The following POM121L2 variants were observed in gnomAD, a reference collection of about 807,000 sequenced individuals.
POM121L2 encodes POM121-like protein 2.
For synonymous variants in POM121L2, 459 were observed against 483.8 expected, an observed-to-expected ratio of 0.95 and a Z score of 0.67; for missense variants, 1,167 against 1,260.3, an observed-to-expected ratio of 0.93 and a Z score of 1.12.
chr6:27,310,887 G>C lies in POM121L2; in HGVS notation c.1284C>G (p.Thr428=), dbSNP rs749510399. The C allele has an allele frequency of 1.0e-4, 159 of 1,551,796 alleles. No individual in the cohort carries two copies. In the African/African-American group the frequency reaches 2.0e-3, roughly 19 times the overall value. ...LASPQSTGEA[T]SVAHSPLKTP... ...TCTTCAAAGGAGAATGGGCCACACT[G>C]GTTGCCTCTCCCGTGGACTGTGGAG... The change falls in exon 1 of 1, where the codon ACC becomes ACG. Residue 428 remains threonine (T), a synonymous_variant. Coordinates refer to ENST00000444565, the MANE Select transcript of POM121L2 (RefSeq NM_033482.4).
Position 27,309,583 on chromosome 6 carries a change from G to A in POM121L2, c.2588C>T (p.Thr863Ile). 1 of 1,551,932 alleles carries A rather than the reference G, an allele frequency of 6.4e-7. No individual in the cohort carries two copies. The highest frequency in any genetic ancestry group is 1.2e-5 in the South Asian group (1 of 84,062). The change falls in exon 1 of 1, where the codon ACT becomes ATT. Residue 863 changes from threonine (T) to isoleucine (I), a missense_variant. Transcript: ENST00000444565. ...AGFPISQAST[T>I]GFRIVIQTHQ... ...GGTCTGAATTACAATTCTAAACCCA[G>A]TTGTACTAGCTTGACTAATGGGAAA... is the stretch of plus-strand genomic sequence containing the variant.
Position 27,312,156 on chromosome 6 carries a change from C to G in POM121L2, c.15G>C (p.Leu5=), listed in dbSNP as rs1760757261. 1.4e-6 allele frequency: 2 copies of G among 1,449,724 alleles called. No individual in the cohort carries two copies. Among genetic ancestry groups the G allele is most frequent in the Non-Finnish European group, 1.8e-6 (2 of 1,100,998 alleles). 89.8% of individuals were successfully genotyped at this position (1,449,724 alleles called of 1,614,324 possible). A position where few individuals can be genotyped will look rare whatever the true frequency, so the allele number is the denominator to read the frequency against. Residue 5 remains leucine, a synonymous_variant, in exon 1 of 1, where the codon CTG becomes CTC. Coordinates refer to ENST00000444565, the MANE Select transcript of POM121L2 (RefSeq NM_033482.4). This position sits in a 1 kb window ranked among gnomAD's most constrained non-coding sequence, Gnocchi z 6.7. MGSF[L]SKLELSPSSP... is the part of the protein sequence containing the mutation. ...ACGAGGGCGAAAGTTCCAGTTTGCT[C>G]AGGAAACTGCCCATGAGGAGAGATG...
At chr6:27,312,133 G>T, upstream of POM121L2, 1 of 1,455,782 alleles carries the variant, frequency 6.9e-7, no homozygotes, top group Non-Finnish European at 9.1e-7. The surrounding 1 kb of genome is among the most constrained non-coding windows in gnomAD (Gnocchi z 6.7). Flanking sequence ...GGCTGGGGAC[G>T]AGGGCGAAAG....
At position 27,311,684 on chromosome 6, in the gene POM121L2, G is replaced by T. The variant is rs777811535; in HGVS notation, c.487C>A (p.Leu163Ile). Reference protein sequence around the residue: ...PCSKETVLRALRECRKGKGRL... With the variant: ...PCSKETVLRAIRECRKGKGRL... ...CCTTTCCCTTTTCTGCACTCTCTGA[G>T]GGCCCTCAACACTGTCTCCTTTGAA... The change falls in exon 1 of 1, where the codon CTC (leucine) becomes ATC (isoleucine). Residue 163 changes from leucine (L) to isoleucine (I), a missense_variant. Leu to Ile is a conservative substitution (Grantham distance 5). Transcript: ENST00000444565. 1.2e-5 allele frequency: 19 copies of T among 1,551,732 alleles called. No individual in the cohort carries two copies. The highest frequency in any genetic ancestry group is 1.5e-5 in the Non-Finnish European group (17 of 1,147,038).
chr6:27,308,733 C>T lies in POM121L2; in HGVS notation c.*330G>A, dbSNP rs955380944. Reference sequence around the variant, plus strand: ...ACGAAAAGATGTTCTAATTGATAGACATTCAACTTATTTGGAAAGTCTGGA... The same window carrying T: ...ACGAAAAGATGTTCTAATTGATAGATATTCAACTTATTTGGAAAGTCTGGA... On this transcript the variant is annotated 3_prime_UTR_variant, in exon 1 of 1. Coordinates refer to ENST00000444565, the MANE Select transcript of POM121L2 (RefSeq NM_033482.4). Among the ~76,000 whole-genome samples, 45 of 152,144 alleles carry T rather than the reference C, an allele frequency of 3.0e-4. No individual in the cohort carries two copies. The highest frequency in any genetic ancestry group is 1.0e-3 in the African/African-American group (42 of 41,420).
At position 27,312,188 on chromosome 6, in the gene POM121L2, G is replaced by C. The variant is rs777588840; in HGVS notation, c.-18C>G. The stretch of plus-strand genomic sequence containing the variant: ...CTGCCCATGAGGAGAGATGAGGCGC[G>C]GGCAGTGAGTTCAAGCACGGTTTTG... On this transcript the variant is annotated 5_prime_UTR_variant, in exon 1 of 1. Transcript: ENST00000444565. This position sits in a 1 kb window ranked among gnomAD's most constrained non-coding sequence, Gnocchi z 6.7. 1.1e-5 allele frequency: 16 copies of C among 1,409,254 alleles called. No individual in the cohort carries two copies. Among genetic ancestry groups the C allele is most frequent in the Non-Finnish European group, 1.5e-5 (16 of 1,071,738 alleles). 87.3% of individuals were successfully genotyped at this position (1,409,254 alleles called of 1,614,324 possible).
Position 27,309,883 on chromosome 6 carries a change from G to T in POM121L2, c.2288C>A (p.Pro763His), listed in dbSNP as rs1324007090. 11 of 1,551,802 alleles carry T rather than the reference G, an allele frequency of 7.1e-6. No homozygotes were observed. The highest frequency in any genetic ancestry group is 9.6e-6 in the Non-Finnish European group (11 of 1,147,024). ...TSPLGSSSRP[P>H]FPLSQGANPQ... ...ATTAGCTCCTTGGGATAGTGGGAAA[G>T]GTGGCCTTGAGCTTGATCCCAAGGG... Residue 763 changes from proline to histidine, a missense_variant, in exon 1 of 1, where the codon CCT (proline) becomes CAT (histidine). Physicochemically the swap from Pro to His is moderately conservative, Grantham distance 77. Transcript: ENST00000444565.
At position 27,309,384 on chromosome 6, in the gene POM121L2, A is replaced by G; in HGVS notation, c.2787T>C (p.Thr929=). The change falls in exon 1 of 1, where the codon ACT becomes ACC. Residue 929 remains threonine (T), a synonymous_variant. Transcript: ENST00000444565. ...CTTTTCCAAAGGGGATCATGGTGTTAGTGGTCCCACTAGGCAATGCTCCAA... is the reference window on the plus strand; with the variant it reads ...CTTTTCCAAAGGGGATCATGGTGTTGGTGGTCCCACTAGGCAATGCTCCAA... The part of the protein sequence containing the change: ...FSIGALPSGT[T]NTMIPFGKGW... 2 of 1,551,638 alleles carry G rather than the reference A, an allele frequency of 1.3e-6. No individual in the cohort carries two copies. The highest frequency in any genetic ancestry group is 1.7e-6 in the Non-Finnish European group (2 of 1,146,964).
At position 27,309,626 on chromosome 6, in the gene POM121L2, C is replaced by T. The variant is rs1472860173; in HGVS notation, c.2545G>A (p.Gly849Ser). Residue 849 changes from glycine to serine, a missense_variant, in exon 1 of 1, where the codon GGC becomes AGC. By Grantham distance (56) the Gly-to-Ser change is moderately conservative (BLOSUM62 0). Coordinates refer to ENST00000444565, the MANE Select transcript of POM121L2 (RefSeq NM_033482.4). ...QTPASTWSGIGGIPAGFPISQ... is the reference protein window; with the variant it reads ...QTPASTWSGISGIPAGFPISQ... ...ATGGGAAAACCTGCTGGAATGCCGC[C>T]AATGCCTGACCAGGTGCTGGCAGGG... 6.4e-7 allele frequency: 1 copy of T among 1,551,640 alleles called. No homozygotes were observed. Among genetic ancestry groups the T allele is most frequent in the Non-Finnish European group, 8.7e-7 (1 of 1,147,026 alleles).
rs1320423732 is a variant in POM121L2, at chr6:27,308,821, G to T, written c.*242C>A. Among the ~76,000 whole-genome samples the T allele has an allele frequency of 6.6e-6, 1 of 152,158 alleles. No individual in the cohort carries two copies. The highest frequency in any genetic ancestry group is 2.4e-5 in the African/African-American group (1 of 41,436). On this transcript the variant is annotated 3_prime_UTR_variant, in exon 1 of 1. Transcript: ENST00000444565. ...ACACAGAGAAGAGTGGACAGGAAGG[G>T]GAAGGCGAGGTTCTGTTCAAGTCCA...
rs1760750327 is a variant in POM121L2, at chr6:27,311,825, T to A, written c.346A>T (p.Ser116Cys). 6.4e-7 allele frequency: 1 copy of A among 1,551,652 alleles called. No individual in the cohort carries two copies. Residue 116 changes from serine to cysteine, a missense_variant, in exon 1 of 1, where the codon AGC (serine) becomes TGC (cysteine). Physicochemically the swap from Ser to Cys is moderately radical, Grantham distance 112. Coordinates refer to ENST00000444565, the MANE Select transcript of POM121L2 (RefSeq NM_033482.4). Reference protein sequence around the residue: ...WSLRHPRPIWSPVTIRITPPD... With the variant: ...WSLRHPRPIWCPVTIRITPPD... ...GGAGTGATCCTGATGGTCACTGGGC[T>A]CCAAATTGGCCTGGGATGTCGAAGA...
rs1760703500 is a variant in POM121L2, at chr6:27,308,817, A to T, written c.*246T>A. The stretch of plus-strand genomic sequence containing the variant: ...CCTGACACAGAGAAGAGTGGACAGG[A>T]AGGGGAAGGCGAGGTTCTGTTCAAG... On this transcript the variant is annotated 3_prime_UTR_variant, in exon 1 of 1. Coordinates refer to ENST00000444565, the MANE Select transcript of POM121L2 (RefSeq NM_033482.4). Among the ~76,000 whole-genome samples the T allele has an allele frequency of 6.6e-6, 1 of 152,172 alleles. No individual in the cohort carries two copies.
Position 27,310,535 on chromosome 6 carries a change from T to C in POM121L2, c.1636A>G (p.Ile546Val). ...PILGPLHNSE[I>V]GSSSYSRISV... ...ATTCTGGAATATGAGGAGCTTCCAA[T>C]CTCGCTGTTGTGCAGGGGCCCCAAA... Residue 546 changes from isoleucine (I) to valine (V), a missense_variant, in exon 1 of 1, where the codon ATT becomes GTT. By Grantham distance (29) the Ile-to-Val change is conservative. Coordinates refer to ENST00000444565, the MANE Select transcript of POM121L2 (RefSeq NM_033482.4). The C allele has an allele frequency of 1.3e-6, 2 of 1,552,252 alleles. No individual in the cohort carries two copies. The highest frequency in any genetic ancestry group is 1.7e-6 in the Non-Finnish European group (2 of 1,147,110).
Position 27,309,106 on chromosome 6 carries a change from C to G in POM121L2, c.3065G>C (p.Arg1022Pro). The G allele has an allele frequency of 6.4e-7, 1 of 1,551,782 alleles. No individual in the cohort carries two copies. Residue 1022 changes from arginine to proline, a missense_variant, in exon 1 of 1, where the codon CGG becomes CCG. Transcript: ENST00000444565. ...IGAKSKTPKN[R>P]EKGHSRRHHA... ...ATGCCTTCGGGAATGCCCTTTCTCC[C>G]GATTCTTTGGGGTTTTTGATTTTGC...
rs953008074 is a variant in POM121L2, at chr6:27,311,940, C to T, written c.231G>A (p.Arg77=). 4.6e-5 allele frequency: 71 copies of T among 1,551,506 alleles called. No homozygotes were observed. The highest frequency in any genetic ancestry group is 6.0e-5 in the Non-Finnish European group (69 of 1,146,978). ...PTTWLANEAW[R]RFPMKKSQNS... is the part of the protein sequence containing the mutation. ...TCTGGGACTTCTTCATGGGAAAGCG[C>T]CTCCAGGCCTCGTTGGCCAGCCACG... Residue 77 remains arginine (R), a synonymous_variant, in exon 1 of 1, where the codon AGG becomes AGA. Coordinates refer to ENST00000444565, the MANE Select transcript of POM121L2 (RefSeq NM_033482.4).
rs1480270317 is a variant in POM121L2 at position 27,311,045 on chromosome 6, G to A, written c.1126C>T (p.Pro376Ser). 2.6e-6 allele frequency: 4 copies of A among 1,552,090 alleles called. No individual in the cohort carries two copies. The highest frequency in any genetic ancestry group is 2.6e-6 in the Non-Finnish European group (3 of 1,147,084). Residue 376 changes from proline to serine, a missense_variant, in exon 1 of 1, where the codon CCT becomes TCT. Transcript: ENST00000444565. ...DTTEVNTDPF[P>S]ETWLAIQPSL... The stretch of plus-strand genomic sequence containing the variant: ...GGCTGAATAGCAAGCCAAGTCTCAG[G>A]GAAAGGGTCTGTGTTGACCTCAGTT...
rs1298377585 is a variant in POM121L2, at chr6:27,309,168, T to C, written c.3003A>G (p.Gly1001=). 15 of 1,551,604 alleles carry C rather than the reference T, an allele frequency of 9.7e-6. No individual in the cohort carries two copies. The highest frequency in any genetic ancestry group is 1.4e-5 in the African/African-American group (1 of 73,022). Residue 1001 remains glycine (G), a synonymous_variant, in exon 1 of 1, where the codon GGA becomes GGG. Coordinates refer to ENST00000444565, the MANE Select transcript of POM121L2 (RefSeq NM_033482.4). The part of the protein sequence containing the change: ...FPPAQGSVGR[G]PFRSSASSFS... ...ATGAAGAGGCTGATGATCTAAAAGG[T>C]CCTCTCCCAACAGAGCCCTGGGCAG... is the stretch of plus-strand genomic sequence containing the variant.
chr6:27,310,490 A>G lies in POM121L2; in HGVS notation c.1681T>C (p.Ser561Pro). Reference sequence around the variant, plus strand: ...ATTGTGGAAAGGGAAGAGATTGAAGATGCTGCAGCTGTGACTGAAATTCTG... The same window carrying G: ...ATTGTGGAAAGGGAAGAGATTGAAGGTGCTGCAGCTGTGACTGAAATTCTG... Reference protein sequence around the residue: ...YSRISVTAAASSISSLSTIQG... With the variant: ...YSRISVTAAAPSISSLSTIQG... The change falls in exon 1 of 1, where the codon TCT becomes CCT. Residue 561 changes from serine (S) to proline (P), a missense_variant. Transcript: ENST00000444565. 6.4e-7 allele frequency: 1 copy of G among 1,552,286 alleles called. No homozygotes were observed. Among genetic ancestry groups the G allele is most frequent in the Non-Finnish European group, 8.7e-7 (1 of 1,147,122 alleles).
chr6:27,310,206 A>G lies in POM121L2; in HGVS notation c.1965T>C (p.Thr655=), dbSNP rs746797202. ...VVNVTSAVGN[T]YSVPSTCDTF... ...TGTCGCAAGTGGAAGGGACAGAATA[A>G]GTGTTGCCTACGGCACTGGTGACAT... Residue 655 remains threonine, a synonymous_variant, in exon 1 of 1, where the codon ACT becomes ACC. Transcript: ENST00000444565. The G allele has an allele frequency of 5.8e-6, 9 of 1,552,140 alleles. No homozygotes were observed. In the South Asian group the frequency reaches 1.1e-4, roughly 18 times the overall value.
Sources: gnomAD v4.1 joint callset for allele counts (sites outside exome capture counted in the v4.1 genomes callset) on GRCh38, gnomAD v4.1.1 for gene constraint, Gnocchi (gnomAD v3.1) non-coding constraint, MANE v1.5 for transcripts, NCBI Gene and HGNC (gene_info 2026-07-23, HGNC 2026-07-21) for gene names.